The following EPS15 variants were observed in gnomAD, a reference collection of about 807,000 sequenced individuals.
The protein encoded by EPS15 is epidermal growth factor receptor pathway substrate 15, also known as epidermal growth factor receptor substrate 15.
EPS15 carries 72 observed loss-of-function variants against 113.8 expected under a neutral mutation model. That is an observed-to-expected ratio of 0.63 (90% CI 0.52 to 0.77). The LOEUF (loss-of-function observed/expected upper bound fraction) is 0.77. Ranked by LOEUF, EPS15 falls within the 30% of genes least tolerant of loss-of-function variation. The pLI is 0.00. For missense variants in EPS15, 1,048 were observed against 1,045.8 expected, an observed-to-expected ratio of 1.00 and a Z score of -0.03; for synonymous variants, 344 against 363.4, an observed-to-expected ratio of 0.95 and a Z score of 0.61.
intron 1 of EPS15, among the ~76,000 whole-genome samples, chr1:51,501,466 G>C (rs915963445): frequency 1.9e-4 from 29 of 151,934 alleles, no homozygotes; most frequent in African/African-American, 6.8e-4. Context: ...TAGTTTTTTG[G>C]GGGGTTTTTT....
intron 3 of EPS15, 79 bp downstream of exon 3, chr1:51,472,780 T>C (rs749130660): frequency 1.9e-5 from 20 of 1,064,128 alleles, no homozygotes; most frequent in Non-Finnish European, 2.8e-5. Flanking sequence ...TGATGGCATC[T>C]TTCTAAATTT....
chr1:51,392,121 A>G (rs1209242342), intron 21 of EPS15, among the ~76,000 whole-genome samples: 1 of 152,204 alleles, frequency 6.6e-6, no homozygotes, highest in African/African-American at 2.4e-5. Context: ...AAAAGAGGAA[A>G]TATCAACAAA....
chr1:51,404,437 A>C (rs1327565021), intron 16 of EPS15, among the ~76,000 whole-genome samples: 1 of 151,862 alleles, frequency 6.6e-6, no homozygotes, highest in Non-Finnish European at 1.5e-5. Flanking sequence ...ATCTATTTGC[A>C]GGATAACCTA....
At position 51,356,777 on chromosome 1, in the gene EPS15, C is replaced by T. The variant is rs781303182; in HGVS notation, c.2614G>A (p.Ala872Thr). 6.2e-7 allele frequency: 1 copy of T among 1,613,910 alleles called. No homozygotes were observed. Among genetic ancestry groups the T allele is most frequent in the Non-Finnish European group, 8.5e-7 (1 of 1,179,828 alleles). The change falls in exon 25 of 25, where the codon GCC becomes ACC. Residue 872 changes from alanine to threonine, a missense_variant. Physicochemically the swap from Ala to Thr is moderately conservative, Grantham distance 58. Coordinates refer to ENST00000371733, the MANE Select transcript of EPS15 (RefSeq NM_001981.3). ...TCTTGTTCCTGCTGATTTAGTCGGG[C>T]AAGCCTCTGCTCTTCCTCTCTCTCA... ...ESEREEEQRL[A>T]RLNQQEQEDL...
chr1:51,512,843 C>CTT lies in EPS15; in HGVS notation c.33+6354_33+6355dup, dbSNP rs59750666. On this transcript the variant is annotated intron_variant, in intron 1 of 24. Transcript: ENST00000371733. ...GTTTCTGAATGTAAATGAGCAATATCTTTTTTTTTTTTTTTTTTTTTTGGA... is the reference window on the plus strand; with the variant it reads ...GTTTCTGAATGTAAATGAGCAATATCTTTTTTTTTTTTTTTTTTTTTTTTGGA... Among the ~76,000 whole-genome samples the CTT allele has an allele frequency of 2.3e-3, 274 of 118,586 alleles. 1 individual carries two copies. Among genetic ancestry groups the CTT allele is most frequent in the African/African-American group, 6.9e-3 (200 of 29,122 alleles). The allele number at this position is 118,586 out of a possible 152,430, so 77.8% of individuals were successfully genotyped here. A position where few individuals can be genotyped will look rare whatever the true frequency, so the allele number is the denominator to read the frequency against.
intron 8 of EPS15, chr1:51,458,085 G>A (rs1400545865): frequency 1.3e-5 from 2 of 152,018 alleles, no homozygotes; most frequent in African/African-American, 4.8e-5. Flanking sequence ...TTCAAAAAAA[G>A]AGGGAACAGG....
intron 5 of EPS15, among the ~76,000 whole-genome samples, chr1:51,467,117 T>C (rs763699234): frequency 1.3e-5 from 2 of 152,210 alleles, no homozygotes; most frequent in Non-Finnish European, 2.9e-5. Flanking sequence ...ACCAAAAGGA[T>C]AAATTTAAAA....
chr1:51,358,564 C>T (rs568712261), intron 24 of EPS15, among the ~76,000 whole-genome samples: 2 of 151,896 alleles, frequency 1.3e-5, no homozygotes, highest in African/African-American at 2.4e-5. Flanking sequence ...AACTTTGAAA[C>T]GTGTAATGCT....
intron 13 of EPS15, among the ~76,000 whole-genome samples, chr1:51,420,501 G>A (rs1429366469): frequency 6.6e-6 from 1 of 152,092 alleles, no homozygotes; most frequent in East Asian, 1.9e-4. Context: ...ATGAAAACTT[G>A]TGTAGATTAT....
intron 1 of EPS15, among the ~76,000 whole-genome samples, chr1:51,515,810 G>C (rs947271920): frequency 1.3e-5 from 2 of 152,312 alleles, no homozygotes; most frequent in South Asian, 4.1e-4. Flanking sequence ...AGCTTTTGAA[G>C]TCCTACAGAC....
At chr1:51,479,134 T>A (rs1482357194) in intron 2 of EPS15, among the ~76,000 whole-genome samples, 1 of 152,214 alleles carries the variant, frequency 6.6e-6, no homozygotes, top group Non-Finnish European at 1.5e-5. Context: ...AGTCCCATAT[T>A]TCTTGGAGGC....
At chr1:51,451,287 G>A (rs1347600458) in intron 8 of EPS15, among the ~76,000 whole-genome samples, 2 of 151,540 alleles carry the variant, frequency 1.3e-5, no homozygotes, top group Non-Finnish European at 1.5e-5. Context: ...TCAGGAGTTC[G>A]AAACCAGCCT....
rs970624599 is a variant in EPS15 at position 51,457,052 on chromosome 1, G to A, written c.561+4039C>T. ...TGTAATCCCAGCACTTTTGGAGGCC[G>A]AGGCGGGCAGATCACGAGGTCAGGA... On this transcript the variant is annotated intron_variant, in intron 8 of 24. Transcript: ENST00000371733. Among the ~76,000 whole-genome samples, 6 of 152,084 alleles carry A rather than the reference G, an allele frequency of 3.9e-5. No individual in the cohort carries two copies. The South Asian group carries it at 6.2e-4, about 16-fold the overall frequency.
At chr1:51,388,388 C>A (rs1570164834) in intron 21 of EPS15, among the ~76,000 whole-genome samples, 1 of 152,200 alleles carries the variant, frequency 6.6e-6, no homozygotes, top group Admixed American at 6.5e-5. Context: ...AAAATTGACA[C>A]CCTAACATCA....
In EPS15 at chr1:51,423,229, T is replaced by C. The variant is rs752877637; in HGVS notation, c.1041-1371A>G. ...TAACCGTTTGTCAGATGGGTCGCAA[T>C]GTGGGTCGCGATGTTGTGATTTTAA... is the stretch of plus-strand genomic sequence containing the variant. On this transcript the variant is annotated intron_variant, in intron 12 of 24. Coordinates refer to ENST00000371733, the MANE Select transcript of EPS15 (RefSeq NM_001981.3). The C allele has an allele frequency of 3.1e-6, 4 of 1,288,850 alleles. No individual in the cohort carries two copies. The African/African-American group carries it at 4.6e-5, about 15-fold the overall frequency. 79.8% of individuals were successfully genotyped at this position (1,288,850 alleles called of 1,614,324 possible).
At position 51,446,832 on chromosome 1, in the gene EPS15, CTGATTT is replaced by C; in HGVS notation, c.797+122_797+127del. The C allele has an allele frequency of 4.1e-6, 3 of 735,368 alleles. No homozygotes were observed. In the South Asian group the frequency reaches 5.9e-5, roughly 15 times the overall value. 45.6% of individuals were successfully genotyped at this position (735,368 alleles called of 1,614,324 possible). On this transcript the variant is annotated intron_variant, in intron 10 of 24. Coordinates refer to ENST00000371733, the MANE Select transcript of EPS15 (RefSeq NM_001981.3). ...ATTAGCCAGAAGAATTCTTCAGATT[CTGATTT>C]TCTCTATAAAAAATTCTGAAACAAA...
At chr1:51,394,573 A>T in intron 20 of EPS15, 126 bp from the exon 21 acceptor site, 2 of 488,986 alleles carry the variant, frequency 4.1e-6, no homozygotes, top group Non-Finnish European at 7.4e-6. Flanking sequence ...CATTAGGAAC[A>T]AATGTTTCCC....
intron 8 of EPS15, among the ~76,000 whole-genome samples, chr1:51,454,049 C>CA (rs376428827): frequency 0.086 from 7,501 of 86,990 alleles, 266 homozygotes; most frequent in Non-Finnish European, 0.13. Context: ...GACTTTGTTT[C>CA]AAAAAAAAAA....
At chr1:51,423,315 A>C (rs1415518324) in intron 12 of EPS15, 6 of 1,273,314 alleles carry the variant, frequency 4.7e-6, no homozygotes, top group Non-Finnish European at 6.1e-6. Flanking sequence ...CAACCTATTT[A>C]TCATGCAAAG....
Sources: gnomAD v4.1 joint callset for allele counts (sites outside exome capture counted in the v4.1 genomes callset) on GRCh38, gnomAD v4.1.1 for gene constraint, MANE v1.5 for transcripts, NCBI Gene and HGNC (gene_info 2026-07-23, HGNC 2026-07-21) for gene names.